NCKAP5: variants seen among roughly 807,000 people sequenced by gnomAD.
NCKAP5 encodes the protein NCK associated protein 5.
In NCKAP5, 92 loss-of-function variants were observed where a neutral mutation model predicts 167.0. The observed-to-expected ratio is 0.55, with a 90% CI of 0.47 to 0.66. The LOEUF is 0.66. NCKAP5 is among the 30% of genes least tolerant of loss of function. The probability of loss-of-function intolerance (pLI) is 0.00; values close to 1 mark genes in which losing one functional copy is unlikely to be tolerated. For synonymous variants in NCKAP5, 891 were observed against 877.4 expected, an observed-to-expected ratio of 1.02 and a Z score of -0.27; for missense variants, 2,378 against 2,315.0, an observed-to-expected ratio of 1.03 and a Z score of -0.56.
chr2:133,134,148 A>C (rs1223879249), intron 5 of NCKAP5, among the ~76,000 whole-genome samples: 1 of 152,190 alleles, frequency 6.6e-6, no homozygotes. Context: ...ACCTCAGTCC[A>C]CTGTGTGCAT....
chr2:133,034,513 AT>A (rs2078980092), intron 6 of NCKAP5, among the ~76,000 whole-genome samples: 1 of 151,478 alleles, frequency 6.6e-6, no homozygotes, highest in Admixed American at 6.6e-5. Context: ...CTCTTATTGT[AT>A]GTAGAAAGAC....
intron 19 of NCKAP5, among the ~76,000 whole-genome samples, chr2:132,708,697 T>A (rs1053114171): frequency 1.3e-5 from 2 of 152,236 alleles, no homozygotes; most frequent in Non-Finnish European, 2.9e-5. Context: ...GAGCGCTTCA[T>A]GTGTTTATTA....
At chr2:133,618,289 A>T in the NCKAP5 span, among the ~76,000 whole-genome samples, 4 of 147,282 alleles carry the variant, frequency 2.7e-5, no homozygotes, top group African/African-American at 7.4e-5. Context: ...GCAACAAAAG[A>T]CAAAATTGAC....
At chr2:132,717,974 T>C (rs563380280) in intron 19 of NCKAP5, among the ~76,000 whole-genome samples, 1 of 152,208 alleles carries the variant, frequency 6.6e-6, no homozygotes, top group Admixed American at 6.5e-5. Flanking sequence ...GAGATGTACA[T>C]AATTTTATAA....
At chr2:133,178,456 G>A (rs1188799645) in intron 5 of NCKAP5, among the ~76,000 whole-genome samples, 2 of 122,870 alleles carry the variant, frequency 1.6e-5, no homozygotes, top group African/African-American at 3.1e-5. Context: ...AGTGAGCCAA[G>A]ATCAGGCCAC....
intron 19 of NCKAP5, among the ~76,000 whole-genome samples, chr2:132,719,601 GGGCACGAGACT>G: frequency 6.6e-6 from 1 of 152,322 alleles, no homozygotes; most frequent in Non-Finnish European, 1.5e-5. Context: ...TGCATTTAAG[GGGCACGAGACT>G]GGCAGCAAAT....
chr2:132,840,057 A>G (rs1688189818), intron 11 of NCKAP5, among the ~76,000 whole-genome samples: 1 of 152,164 alleles, frequency 6.6e-6, no homozygotes, highest in African/African-American at 2.4e-5. Flanking sequence ...ACTATGGTCC[A>G]TATGTAGCAG....
intron 2 of NCKAP5, among the ~76,000 whole-genome samples, chr2:133,524,255 T>A (rs1049299647): frequency 6.6e-6 from 1 of 152,192 alleles, no homozygotes; most frequent in Non-Finnish European, 1.5e-5. Context: ...GAGGGACACA[T>A]GATTGTTGGT....
At chr2:133,640,611 T>C in the NCKAP5 span, among the ~76,000 whole-genome samples, 1 of 152,198 alleles carries the variant, frequency 6.6e-6, no homozygotes, top group Non-Finnish European at 1.5e-5. Flanking sequence ...TCACTTCACT[T>C]ACAAATAAAA....
intron 12 of NCKAP5, among the ~76,000 whole-genome samples, chr2:132,790,503 C>T (rs541295049): frequency 4.7e-4 from 72 of 152,296 alleles, no homozygotes; most frequent in Middle Eastern, 3.4e-3. Flanking sequence ...TTATTGAATA[C>T]TGTGCTGAAA....
intron 3 of NCKAP5, among the ~76,000 whole-genome samples, chr2:133,441,074 C>T (rs1297138183): frequency 8.0e-6 from 1 of 124,976 alleles, no homozygotes; most frequent in Non-Finnish European, 1.6e-5. Flanking sequence ...ACAGCTCTCA[C>T]ACCCTACAGA....
intron 15 of NCKAP5, among the ~76,000 whole-genome samples, chr2:132,776,131 A>G (rs944019217): frequency 6.6e-6 from 1 of 152,260 alleles, no homozygotes; most frequent in African/African-American, 2.4e-5. Context: ...TCAATTTTTC[A>G]GAGTGCCCTG....
the NCKAP5 span, among the ~76,000 whole-genome samples, chr2:133,612,186 A>C: frequency 6.6e-6 from 1 of 152,194 alleles, no homozygotes; most frequent in Non-Finnish European, 1.5e-5. Flanking sequence ...AGAAATTTGA[A>C]ACCAGAAAAC....
chr2:133,184,004 G>C (rs2084840843), intron 5 of NCKAP5, among the ~76,000 whole-genome samples: 1 of 151,710 alleles, frequency 6.6e-6, no homozygotes, highest in Admixed American at 6.6e-5. Flanking sequence ...GTGTACACGT[G>C]CAGGGTTTTT....
chr2:133,561,857 G>T (rs1159942914), intron 1 of NCKAP5, among the ~76,000 whole-genome samples: 1 of 152,146 alleles, frequency 6.6e-6, no homozygotes, highest in Non-Finnish European at 1.5e-5. Context: ...TTCAGCTATA[G>T]GGTCTTAGAA....
At chr2:132,954,440 G>T (rs2076282557) in intron 8 of NCKAP5, among the ~76,000 whole-genome samples, 2 of 152,060 alleles carry the variant, frequency 1.3e-5, no homozygotes, top group Admixed American at 6.6e-5. Context: ...AAAAGATAAT[G>T]GTATGCTTTA....
chr2:133,021,515 A>G (rs1021727999), intron 6 of NCKAP5, among the ~76,000 whole-genome samples: 1 of 152,276 alleles, frequency 6.6e-6, no homozygotes. Flanking sequence ...TACACATATA[A>G]GTGCATACAC....
intron 3 of NCKAP5, among the ~76,000 whole-genome samples, chr2:133,511,231 C>T (rs771904851): frequency 1.3e-5 from 2 of 152,156 alleles, no homozygotes; most frequent in Admixed American, 6.5e-5. Flanking sequence ...CAAGACTTTT[C>T]GTGTTAGGAT....
At chr2:132,802,181 G>A (rs754594226) in intron 11 of NCKAP5, among the ~76,000 whole-genome samples, 3 of 152,118 alleles carry the variant, frequency 2.0e-5, no homozygotes, top group African/African-American at 4.8e-5. Flanking sequence ...GCTGCTCCCC[G>A]TCTTGGTGAG....
Sources: gnomAD v4.1 joint callset for allele counts (sites outside exome capture counted in the v4.1 genomes callset) on GRCh38, gnomAD v4.1.1 for gene constraint, MANE v1.5 for transcripts, NCBI Gene and HGNC (gene_info 2026-07-23, HGNC 2026-07-21) for gene names.